SELENOV: variants seen among roughly 807,000 people sequenced by gnomAD.
SELENOV encodes the protein selenoprotein V.
SELENOV carries 25 observed loss-of-function variants against 21.6 expected under a neutral mutation model. The ratio of observed to expected loss-of-function variants is 1.16; its 90% confidence interval spans 0.84 to 1.62. SELENOV has a LOEUF of 1.62. Ranked by LOEUF, SELENOV falls within the 40% of genes most tolerant of loss-of-function variation. The pLI is 0.00. For synonymous variants in SELENOV, 227 were observed against 216.9 expected (o/e 1.05, Z -0.41); for missense variants, 472 against 459.0 (o/e 1.03, Z -0.26).
rs2079696120 is a variant in SELENOV, at chr19:39,516,127, G to A, written c.809+106G>A. ...CAGGGTTGGGGTAGGGCGAGGGGAG[G>A]GATTCAGGAAGAGCCCCAGAGTTCC... On this transcript the variant is annotated intron_variant, in intron 1 of 5. Coordinates refer to ENST00000335426, the Ensembl canonical transcript of SELENOV. 4 of 989,098 alleles carry A rather than the reference G, an allele frequency of 4.0e-6. No individual in the cohort carries two copies. In the South Asian group the frequency reaches 5.5e-5, roughly 14 times the overall value. The allele number at this position is 989,098 out of a possible 1,614,324, so 61.3% of individuals were successfully genotyped here.
intron 4 of SELENOV, 47 bp downstream of exon 4, chr19:39,519,024 G>A (rs762803066): frequency 1.9e-6 from 3 of 1,612,996 alleles, no homozygotes; most frequent in East Asian, 4.5e-5. Flanking sequence ...GTGGTGCTGA[G>A]GTCCTGGGGG....
rs1050252017 is a variant in SELENOV, at chr19:39,515,793, C to A, written c.581C>A (p.Thr194Lys). ...GGGCCCGCCCCGGGGCCCCTTCCCACGCGCACCCCGCTGGCCGCGAACTCA... is the reference window on the plus strand; with the variant it reads ...GGGCCCGCCCCGGGGCCCCTTCCCAAGCGCACCCCGCTGGCCGCGAACTCA... Residue 194 changes from threonine (T) to lysine (K), a missense_variant, in exon 1 of 6, where the codon ACG becomes AAG. By Grantham distance (78) the Thr-to-Lys change is moderately conservative. Coordinates refer to ENST00000335426, the Ensembl canonical transcript of SELENOV. The surrounding 1 kb of genome is among the most constrained non-coding windows in gnomAD (Gnocchi z 5.1). The A allele has an allele frequency of 6.5e-6, 10 of 1,549,458 alleles. No individual in the cohort carries two copies. The Admixed American group carries it at 1.4e-4, about 21-fold the overall frequency.
chr19:39,515,692 G>T lies in SELENOV; in HGVS notation c.480G>T (p.Glu160Asp), dbSNP rs1485799323. ...ATCCGCCCCCGGAACCTGCTCCGGA[G>T]CTGCCTTTGTTGCCCGAGGAGGACC... Residue 160 changes from glutamate to aspartate, a missense_variant, in exon 1 of 6, where the codon GAG (glutamate) becomes GAT (aspartate). Transcript: ENST00000335426. The surrounding 1 kb of genome is among the most constrained non-coding windows in gnomAD (Gnocchi z 5.1). The T allele has an allele frequency of 2.6e-6, 4 of 1,548,966 alleles. No homozygotes were observed. In the African/African-American group the frequency reaches 5.5e-5, roughly 21 times the overall value.
At chr19:39,519,043 C>T (rs4802034) in intron 4 of SELENOV, 28 bp from the exon 5 acceptor site, 397,391 of 1,612,660 alleles carry the variant, frequency 0.25, 49,788 homozygotes, top group East Asian at 0.34. Flanking sequence ...GGTGGGAGAC[C>T]TGTGTGCTTT....
At position 39,515,196 on chromosome 19, in the gene SELENOV, C is replaced by T. The variant is rs1305543191; in HGVS notation, c.-17C>T. The T allele has an allele frequency of 6.7e-7, 1 of 1,487,988 alleles. No homozygotes were observed. Among genetic ancestry groups the T allele is most frequent in the African/African-American group, 1.4e-5 (1 of 71,958 alleles). 92.2% of individuals were successfully genotyped at this position (1,487,988 alleles called of 1,614,324 possible). A position where few individuals can be genotyped will look rare whatever the true frequency, so the allele number is the denominator to read the frequency against. On this transcript the variant is annotated 5_prime_UTR_variant, in exon 1 of 6. Transcript: ENST00000335426. This position sits in a 1 kb window ranked among gnomAD's most constrained non-coding sequence, Gnocchi z 5.1. ...GCGGGACTCCCCAACCGGCTTGCCC[C>T]GGTCCCCCTGGGCCCCATGAATAAC...
Position 39,515,395 on chromosome 19 carries a change from C to T in SELENOV, c.183C>T (p.Val61=). ...CTCCAGCCGGGACTTCCCCTCTGGT[C>T]CTGACTCCTGCTCCAGCCCAGATTC... Residue 61 remains valine (V), a synonymous_variant, in exon 1 of 6, where the codon GTC becomes GTT. Transcript: ENST00000335426. The surrounding 1 kb of genome is among the most constrained non-coding windows in gnomAD (Gnocchi z 5.1). The T allele has an allele frequency of 1.3e-6, 2 of 1,551,570 alleles. No individual in the cohort carries two copies. Among genetic ancestry groups the T allele is most frequent in the Non-Finnish European group, 1.7e-6 (2 of 1,146,930 alleles).
chr19:39,518,319 A>G (rs1008131907), intron 1 of SELENOV, among the ~76,000 whole-genome samples: 1 of 149,362 alleles, frequency 6.7e-6, no homozygotes, highest in African/African-American at 2.5e-5. Flanking sequence ...GAGAGAGAGA[A>G]AGAAAGATGA....
intron 1 of SELENOV, chr19:39,518,371 G>A (rs1600764822): frequency 1.7e-6 from 1 of 593,268 alleles, no homozygotes; most frequent in African/African-American, 1.9e-5. Flanking sequence ...ATGAATTGGG[G>A]AGAAGTGGGA....
chr19:39,516,030 C>G lies in SELENOV; in HGVS notation c.809+9C>G. 6.4e-7 allele frequency: 1 copy of G among 1,570,032 alleles called. No individual in the cohort carries two copies. Among genetic ancestry groups the G allele is most frequent in the Non-Finnish European group, 8.6e-7 (1 of 1,157,948 alleles). ...ATTCGAGTGACCTACTGGTGAGGAC[C>G]TCACACATGCCTCTCCCAACCCCCG... On this transcript the variant is annotated intron_variant, in intron 1 of 5. Transcript: ENST00000335426.
chr19:39,515,655 C>A lies in SELENOV; in HGVS notation c.443C>A (p.Ala148Asp), dbSNP rs1337038371. 4 of 1,548,356 alleles carry A rather than the reference C, an allele frequency of 2.6e-6. No homozygotes were observed. The highest frequency in any genetic ancestry group is 2.6e-6 in the Non-Finnish European group (3 of 1,146,834). Residue 148 changes from alanine to aspartate, a missense_variant, in exon 1 of 6, where the codon GCC (alanine) becomes GAC (aspartate). Physicochemically the swap from Ala to Asp is moderately radical, Grantham distance 126. Coordinates refer to ENST00000335426, the Ensembl canonical transcript of SELENOV. The surrounding 1 kb of genome is among the most constrained non-coding windows in gnomAD (Gnocchi z 5.1). ...GTCTTGGACTCCTACCTGGCCCCGG[C>A]CCTACCTTTGGATCCGCCCCCGGAA...
chr19:39,517,999 G>T (rs1404050822), intron 1 of SELENOV, among the ~76,000 whole-genome samples: 3 of 64,458 alleles, frequency 4.7e-5, no homozygotes, highest in African/African-American at 1.1e-4. Context: ...AAAGCCCAGC[G>T]CGGTGGCTCA....
Position 39,515,303 on chromosome 19 carries a change from C to T in SELENOV, c.91C>T (p.Leu31Phe). 2 of 1,551,178 alleles carry T rather than the reference C, an allele frequency of 1.3e-6. No individual in the cohort carries two copies. The highest frequency in any genetic ancestry group is 1.4e-5 in the African/African-American group (1 of 73,110). The stretch of plus-strand genomic sequence containing the variant: ...TACCCCGACCCGGACACCGACTCCA[C>T]TCCGGACCCCGACTCCGGTCCGGAC... Residue 31 changes from leucine (L) to phenylalanine (F), a missense_variant, in exon 1 of 6, where the codon CTC (leucine) becomes TTC (phenylalanine). Physicochemically the swap from Leu to Phe is conservative, Grantham distance 22. Transcript: ENST00000335426. This position sits in a 1 kb window ranked among gnomAD's most constrained non-coding sequence, Gnocchi z 5.1.
At chr19:39,516,174 C>G in intron 1 of SELENOV, 153 bp downstream of exon 1, 2 of 720,976 alleles carry the variant, frequency 2.8e-6, no homozygotes, top group Non-Finnish European at 4.9e-6. Context: ...TGGAAACCCG[C>G]TCTTGTCTCT....
Position 39,515,626 on chromosome 19 carries a change from C to G in SELENOV, c.414C>G (p.Leu138=). ...TCCTGGCAGGGATTCGGGCCGCGCT[C>G]CCCGTCTTGGACTCCTACCTGGCCC... is the stretch of plus-strand genomic sequence containing the variant. The change falls in exon 1 of 6, where the codon CTC becomes CTG. Residue 138 remains leucine (L), a synonymous_variant. Coordinates refer to ENST00000335426, the Ensembl canonical transcript of SELENOV. This position sits in a 1 kb window ranked among gnomAD's most constrained non-coding sequence, Gnocchi z 5.1. 6.5e-7 allele frequency: 1 copy of G among 1,548,374 alleles called. No individual in the cohort carries two copies. Among genetic ancestry groups the G allele is most frequent in the South Asian group, 1.2e-5 (1 of 84,054 alleles).
rs754599990 is a variant in SELENOV at position 39,518,603 on chromosome 19, T to C, written c.810-5T>C. On this transcript the variant is annotated splice_region_variant and splice_polypyrimidine_tract_variant and intron_variant, in intron 1 of 5. Transcript: ENST00000335426. ...TAACTTTCTCCTCCTGCTCTTGGCC[T>C]CCAGTGGCCTCTGAAGCTATAGCCT... 4 of 1,600,424 alleles carry C rather than the reference T, an allele frequency of 2.5e-6. No individual in the cohort carries two copies. Among genetic ancestry groups the C allele is most frequent in the South Asian group, 1.1e-5 (1 of 89,180 alleles).
exon 1 of SELENOV, chr19:39,516,009 G>A (rs373798969): frequency 8.8e-6 from 14 of 1,589,938 alleles, no homozygotes; most frequent in Non-Finnish European, 1.1e-5. Context: ...GTCCTGATTC[G>A]AGTGACCTAC....
Position 39,515,597 on chromosome 19 carries a change from C to T in SELENOV, c.385C>T (p.Gln129Ter). The change falls in exon 1 of 6, where the codon CAG (glutamine) becomes TAG (stop). Residue 129 changes from glutamine to a stop codon, truncating the protein, a stop_gained. Coordinates refer to ENST00000335426, the Ensembl canonical transcript of SELENOV. LOFTEE classifies it high-confidence loss of function. This position sits in a 1 kb window ranked among gnomAD's most constrained non-coding sequence, Gnocchi z 5.1. ...CCGGGTCCCAGCCCCAGCCCCAGCC[C>T]AGCTCCTGGCAGGGATTCGGGCCGC... 1 of 1,548,886 alleles carries T rather than the reference C, an allele frequency of 6.5e-7. No homozygotes were observed. The highest frequency in any genetic ancestry group is 8.7e-7 in the Non-Finnish European group (1 of 1,146,880).
In SELENOV at chr19:39,518,927, A is replaced by G. The variant is rs751635530; in HGVS notation, c.913A>G (p.Thr305Ala). Residue 305 changes from threonine (T) to alanine (A), a missense_variant, in exon 4 of 6, where the codon ACA becomes GCA. Coordinates refer to ENST00000335426, the Ensembl canonical transcript of SELENOV. Reference sequence around the variant, plus strand: ...GGAGGAGGACAGAGCTGCCCAGGCTACAGGGGAGTTTGAGGTGTTTGTGAA... The same window carrying G: ...GGAGGAGGACAGAGCTGCCCAGGCTGCAGGGGAGTTTGAGGTGTTTGTGAA... 9 of 1,613,818 alleles carry G rather than the reference A, an allele frequency of 5.6e-6. No individual in the cohort carries two copies. In the South Asian group the frequency reaches 9.9e-5, roughly 18 times the overall value.
At chr19:39,517,960 G>C (rs1489942418) in intron 1 of SELENOV, among the ~76,000 whole-genome samples, 1 of 15,266 alleles carries the variant, frequency 6.6e-5, no homozygotes, top group Non-Finnish European at 1.2e-4. Flanking sequence ...GCAAGACTCT[G>C]TCTCAAAAAA....
Sources: gnomAD v4.1 joint callset for allele counts (sites outside exome capture counted in the v4.1 genomes callset) on GRCh38, gnomAD v4.1.1 for gene constraint, Gnocchi (gnomAD v3.1) non-coding constraint, MANE v1.5 for transcripts, NCBI Gene and HGNC (gene_info 2026-07-23, HGNC 2026-07-21) for gene names.